Variants in ENOX1 observed in about 807,000 individuals in gnomAD.
The protein encoded by ENOX1 is candidate growth-related and time keeping constitutive hydroquinone (NADH) oxidase.
ENOX1 carries 42 observed loss-of-function variants against 82.5 expected under a neutral mutation model. The observed-to-expected ratio is 0.51, with a 90% confidence interval of 0.40 to 0.66. The LOEUF (loss-of-function observed/expected upper bound fraction) is 0.66. Among genes scored for constraint, ENOX1 ranks in the 30% least tolerant of loss-of-function variants. The pLI is 0.00. For synonymous variants in ENOX1, 271 were observed against 282.2 expected (o/e 0.96, Z 0.40); for missense variants, 608 against 811.6 (o/e 0.75, Z 3.05).
At chr13:43,610,563 A>C (rs1008275158) in intron 2 of ENOX1, among the ~76,000 whole-genome samples, 6 of 152,236 alleles carry the variant, frequency 3.9e-5, no homozygotes, top group Admixed American at 3.3e-4. Flanking sequence ...CACGCACTAA[A>C]TGAACATATC....
intron 2 of ENOX1, among the ~76,000 whole-genome samples, chr13:43,627,720 T>C (rs67033634): frequency 0.15 from 22,800 of 152,088 alleles, 2,082 homozygotes; most frequent in East Asian, 0.39. Context: ...TTTCTTCCTT[T>C]CTAATTTCCC....
At chr13:43,487,675 G>A (rs969994885) in intron 2 of ENOX1, among the ~76,000 whole-genome samples, 1 of 152,176 alleles carries the variant, frequency 6.6e-6, no homozygotes, top group African/African-American at 2.4e-5. Context: ...CATAGGGCTT[G>A]AGACTCAAAT....
In ENOX1 at chr13:43,531,817, C is replaced by T. The variant is rs199598798; in HGVS notation, c.-218-47665G>A. On this transcript the variant is annotated intron_variant, in intron 2 of 16. Transcript: ENST00000690772. ...GAAACCATCATTCTCAGCAAACTAT[C>T]GCAAGGACAAAAAACCCAACACCGC... 1.3e-4 allele frequency among the ~76,000 whole-genome samples: 20 copies of T among 150,304 alleles called. No homozygotes were observed. The East Asian group carries it at 1.6e-3, about 12-fold the overall frequency.
At chr13:43,399,632 A>G (rs1307361778) in intron 5 of ENOX1, among the ~76,000 whole-genome samples, 1 of 152,208 alleles carries the variant, frequency 6.6e-6, no homozygotes, top group Non-Finnish European at 1.5e-5. Flanking sequence ...CAATTCTCTG[A>G]TGATGATTAT....
At chr13:43,336,420 T>C (rs1019726095) in intron 9 of ENOX1, among the ~76,000 whole-genome samples, 4 of 152,224 alleles carry the variant, frequency 2.6e-5, no homozygotes, top group South Asian at 2.1e-4. Context: ...CCCAAGAAGA[T>C]AGATGAGGGC....
At chr13:43,463,300 G>A (rs1383457804) in intron 3 of ENOX1, among the ~76,000 whole-genome samples, 1 of 152,068 alleles carries the variant, frequency 6.6e-6, no homozygotes, top group Non-Finnish European at 1.5e-5. Context: ...AAGTTACTAG[G>A]CATGACAGCC....
chr13:43,451,457 C>A (rs2056961345), intron 3 of ENOX1, among the ~76,000 whole-genome samples: 1 of 152,024 alleles, frequency 6.6e-6, no homozygotes, highest in Admixed American at 6.5e-5. Flanking sequence ...AAATATAAAG[C>A]CCATGAACTT....
chr13:43,590,632 T>C (rs1478923813), intron 2 of ENOX1, among the ~76,000 whole-genome samples: 1 of 151,368 alleles, frequency 6.6e-6, no homozygotes, highest in Admixed American at 6.6e-5. Context: ...AAAAATTAGC[T>C]GGGCACAGTG....
At chr13:43,627,326 C>T (rs1340362803) in intron 2 of ENOX1, among the ~76,000 whole-genome samples, 1 of 151,784 alleles carries the variant, frequency 6.6e-6, no homozygotes, top group Admixed American at 6.6e-5. Context: ...TTTTGTTCTG[C>T]TTTTCATCTC....
At chr13:43,347,138 T>A (rs575515016) in intron 8 of ENOX1, among the ~76,000 whole-genome samples, 111 of 152,332 alleles carry the variant, frequency 7.3e-4, no homozygotes, top group African/African-American at 2.5e-3. Context: ...ACTTCAATTT[T>A]AAAAATGCAT....
intron 3 of ENOX1, among the ~76,000 whole-genome samples, chr13:43,426,165 G>A (rs774908297): frequency 6.6e-6 from 1 of 152,104 alleles, no homozygotes; most frequent in Non-Finnish European, 1.5e-5. Context: ...GTTCAGGATC[G>A]AATGCCATTC....
intron 3 of ENOX1, among the ~76,000 whole-genome samples, chr13:43,414,050 T>C (rs1472600368): frequency 6.6e-6 from 1 of 152,160 alleles, no homozygotes; most frequent in Non-Finnish European, 1.5e-5. Context: ...TTAGATCTTA[T>C]GGTTTGACAG....
chr13:43,315,342 T>C (rs17556462), intron 11 of ENOX1, among the ~76,000 whole-genome samples: 15,389 of 152,300 alleles, frequency 0.1, 932 homozygotes, highest in Middle Eastern at 0.15. Flanking sequence ...GGTGAGCATT[T>C]GACAAAATTC....
chr13:43,675,310 T>C (rs2085457069), intron 1 of ENOX1, among the ~76,000 whole-genome samples: 2 of 152,122 alleles, frequency 1.3e-5, no homozygotes, highest in Admixed American at 6.5e-5. Flanking sequence ...GAATCAAAGA[T>C]GATTTCTGAA....
intron 1 of ENOX1, among the ~76,000 whole-genome samples, chr13:43,735,169 C>T (rs1202256360): frequency 1.3e-5 from 2 of 152,030 alleles, no homozygotes; most frequent in African/African-American, 4.8e-5. Flanking sequence ...TTATAAAATC[C>T]CCAAATACTC....
intron 9 of ENOX1, among the ~76,000 whole-genome samples, chr13:43,328,694 A>G (rs773018773): frequency 6.6e-6 from 1 of 152,230 alleles, no homozygotes; most frequent in Non-Finnish European, 1.5e-5. Context: ...AATAGTGCAC[A>G]GGTTTAGGGG....
chr13:43,414,049 A>T (rs1456939738), intron 3 of ENOX1, among the ~76,000 whole-genome samples: 1 of 152,168 alleles, frequency 6.6e-6, no homozygotes, highest in Non-Finnish European at 1.5e-5. Flanking sequence ...ATTAGATCTT[A>T]TGGTTTGACA....
Position 43,330,396 on chromosome 13 carries a change from T to C in ENOX1, c.1037-3871A>G, listed in dbSNP as rs969351803. ...ACAATCCTGTATCAGATAAAAAGCA[T>C]AGATTCTGTTTGATTGCCACTTACT... is the stretch of plus-strand genomic sequence containing the variant. On this transcript the variant is annotated intron_variant, in intron 9 of 16. Transcript: ENST00000690772. Among the ~76,000 whole-genome samples, 5 of 152,218 alleles carry C rather than the reference T, an allele frequency of 3.3e-5. No individual in the cohort carries two copies. In the South Asian group the frequency reaches 6.2e-4, roughly 19 times the overall value.
intron 2 of ENOX1, among the ~76,000 whole-genome samples, chr13:43,645,046 A>T (rs2083830033): frequency 6.6e-6 from 1 of 152,258 alleles, no homozygotes; most frequent in Non-Finnish European, 1.5e-5. Context: ...TTAATTTAAA[A>T]ATCAAATATA....
Sources: allele counts gnomAD v4.1 joint callset (sites outside exome capture counted in the v4.1 genomes callset), GRCh38; gene constraint gnomAD v4.1.1; transcripts MANE v1.5; gene names NCBI Gene and HGNC (gene_info 2026-07-23, HGNC 2026-07-21).